The following FRMD6 variants were observed in gnomAD, a reference collection of about 807,000 sequenced individuals.
The protein encoded by FRMD6 is FERM domain-containing protein 6.
In FRMD6, 37 loss-of-function variants were observed where a neutral mutation model predicts 73.2. That is an observed-to-expected ratio of 0.51 (90% CI 0.39 to 0.66). FRMD6 has a LOEUF of 0.66. Ranked by LOEUF, FRMD6 falls within the 30% of genes least tolerant of loss-of-function variation. The pLI is 0.00. For synonymous variants in FRMD6, 273 were observed against 282.2 expected, an observed-to-expected ratio of 0.97 and a Z score of 0.33; for missense variants, 714 against 780.5, an observed-to-expected ratio of 0.91 and a Z score of 1.02.
At chr14:51,656,922 CCAA>C (rs1357074069) in intron 1 of FRMD6, among the ~76,000 whole-genome samples, 4 of 152,042 alleles carry the variant, frequency 2.6e-5, no homozygotes, top group Admixed American at 6.5e-5. Context: ...CAGATGTTTT[CCAA>C]CAACATTATC....
At chr14:51,550,095 G>A (rs953174480) in intron 1 of FRMD6, among the ~76,000 whole-genome samples, 7 of 152,252 alleles carry the variant, frequency 4.6e-5, no homozygotes, top group African/African-American at 1.7e-4. Context: ...CTAAGATCCC[G>A]GTAATGCTGC....
chr14:51,630,033 CA>C (rs1180787693), intron 2 of FRMD6, among the ~76,000 whole-genome samples: 1 of 152,034 alleles, frequency 6.6e-6, no homozygotes, highest in Non-Finnish European at 1.5e-5. Context: ...TCCTCTGCTC[CA>C]GCATATTGAA....
At chr14:51,659,863 A>T (rs1893090712) in intron 1 of FRMD6, among the ~76,000 whole-genome samples, 1 of 152,176 alleles carries the variant, frequency 6.6e-6, no homozygotes, top group South Asian at 2.1e-4. Flanking sequence ...GGTCAGAACC[A>T]TTTGTGATTT....
At position 51,553,667 on chromosome 14, in the gene FRMD6, C is replaced by T. The variant is rs1034506522; in HGVS notation, c.-209-16681C>T. On this transcript the variant is annotated intron_variant, in intron 1 of 14. Coordinates refer to the FRMD6 transcript ENST00000356218. ...AGAGGTAGGAAAGGGATCAGATTTTCTCTAGGGATACCTACTGATCAGTTC... is the reference window on the plus strand; with the variant it reads ...AGAGGTAGGAAAGGGATCAGATTTTTTCTAGGGATACCTACTGATCAGTTC... 7.2e-5 allele frequency among the ~76,000 whole-genome samples: 11 copies of T among 152,276 alleles called. No individual in the cohort carries two copies. The East Asian group carries it at 2.1e-3, about 29-fold the overall frequency.
chr14:51,612,991 A>T (rs1469098588), intron 2 of FRMD6, among the ~76,000 whole-genome samples: 3 of 152,218 alleles, frequency 2.0e-5, no homozygotes, highest in Non-Finnish European at 4.4e-5. Flanking sequence ...GCAAAGGGAC[A>T]CACAGGTGCA....
At chr14:51,613,859 T>G (rs185862557) in intron 2 of FRMD6, among the ~76,000 whole-genome samples, 53 of 152,272 alleles carry the variant, frequency 3.5e-4, no homozygotes, top group African/African-American at 1.2e-3. Context: ...TAGATGAAAT[T>G]AATATTAACA....
chr14:51,633,917 C>A (rs931939544), intron 2 of FRMD6, among the ~76,000 whole-genome samples: 2 of 152,150 alleles, frequency 1.3e-5, no homozygotes, highest in Non-Finnish European at 2.9e-5. Context: ...AGAATCCATG[C>A]TATTAATCCA....
chr14:51,673,950 C>A (rs1268989815), intron 1 of FRMD6, among the ~76,000 whole-genome samples: 1 of 152,150 alleles, frequency 6.6e-6, no homozygotes, highest in Non-Finnish European at 1.5e-5. Context: ...ATAACTTAGA[C>A]CTCAGCTACA....
chr14:51,529,749 TCATAA>T (rs1885474097), intron 1 of FRMD6, among the ~76,000 whole-genome samples: 1 of 152,216 alleles, frequency 6.6e-6, no homozygotes, highest in South Asian at 2.1e-4. Context: ...AGGTGATATC[TCATAA>T]CAGAGAACCC....
At chr14:51,437,084 C>A in the FRMD6 span, 1 of 358,308 alleles carries the variant, frequency 2.8e-6, no homozygotes, top group South Asian at 2.6e-5. Flanking sequence ...TTGCTGCACC[C>A]ATCAACTCAT....
At chr14:51,492,159 T>C (rs2140171495) in intron 1 of FRMD6, among the ~76,000 whole-genome samples, 1 of 152,328 alleles carries the variant, frequency 6.6e-6, no homozygotes, top group South Asian at 2.1e-4. Flanking sequence ...CTTGTTCTTT[T>C]CCTTTCCTTG....
chr14:51,436,837 AGATGAT>A, the FRMD6 span: 5 of 578,006 alleles, frequency 8.7e-6, no homozygotes, highest in African/African-American at 3.8e-5. Context: ...GAGAAGGAGA[AGATGAT>A]GATGAAGAAG....
chr14:51,585,651 A>C lies in FRMD6; in HGVS notation c.-147+15241A>C, dbSNP rs146349250. ...AGGAATACCTATCTTGCATGTTGTAAGGATTAAAGGTTATAAACTTTATAA... is the reference window on the plus strand; with the variant it reads ...AGGAATACCTATCTTGCATGTTGTACGGATTAAAGGTTATAAACTTTATAA... On this transcript the variant is annotated intron_variant, in intron 2 of 14. Transcript: ENST00000356218. 8.6e-5 allele frequency among the ~76,000 whole-genome samples: 13 copies of C among 152,034 alleles called. No homozygotes were observed. In the East Asian group the frequency reaches 2.5e-3, roughly 29 times the overall value.
intron 1 of FRMD6, among the ~76,000 whole-genome samples, chr14:51,663,955 C>T (rs1444703708): frequency 2.0e-5 from 3 of 152,124 alleles, no homozygotes; most frequent in African/African-American, 4.8e-5. Flanking sequence ...AGGACTTGAC[C>T]CTTATGACTC....
rs1594796997 is a variant in FRMD6 at position 51,729,324 on chromosome 14, A to G, written c.*1295A>G. On this transcript the variant is annotated 3_prime_UTR_variant, in exon 14 of 14. Coordinates refer to ENST00000344768, the MANE Select transcript of FRMD6 (RefSeq NM_001267046.2). ...CCTGGGGGTGTCTTGTTAATTTTGA[A>G]GTAAAAGTGTACAGAAGACGTAGTG... The G allele has an allele frequency of 6.6e-6, 1 of 152,548 alleles. No individual in the cohort carries two copies. The highest frequency in any genetic ancestry group is 2.4e-5 in the African/African-American group (1 of 41,448). 9.4% of individuals were successfully genotyped at this position (152,548 alleles called of 1,614,324 possible). A position where few individuals can be genotyped will look rare whatever the true frequency, so the allele number is the denominator to read the frequency against.
At chr14:51,555,250 A>C (rs758761620) in intron 1 of FRMD6, among the ~76,000 whole-genome samples, 6 of 152,202 alleles carry the variant, frequency 3.9e-5, no homozygotes, top group Non-Finnish European at 7.3e-5. Context: ...GAGTTCTACT[A>C]ATTATGTCTG....
intron 2 of FRMD6, among the ~76,000 whole-genome samples, chr14:51,644,606 G>A (rs528777902): frequency 6.6e-6 from 1 of 152,280 alleles, no homozygotes; most frequent in Non-Finnish European, 1.5e-5. Flanking sequence ...ATAAAAATAA[G>A]TGATGTGTTA....
intron 2 of FRMD6, among the ~76,000 whole-genome samples, chr14:51,587,917 A>T (rs1393954932): frequency 6.6e-6 from 1 of 151,960 alleles, no homozygotes; most frequent in Non-Finnish European, 1.5e-5. Flanking sequence ...GAAAAAGTTT[A>T]GGGTTACAGC....
the FRMD6 span, among the ~76,000 whole-genome samples, chr14:51,478,456 G>T: frequency 2.0e-5 from 3 of 152,196 alleles, no homozygotes; most frequent in Non-Finnish European, 2.9e-5. Flanking sequence ...ATCTATTTTA[G>T]TGCTTATGAG....
Sources: gnomAD v4.1 joint callset for allele counts (sites outside exome capture counted in the v4.1 genomes callset) on GRCh38, gnomAD v4.1.1 for gene constraint, MANE v1.5 for transcripts, NCBI Gene and HGNC (gene_info 2026-07-23, HGNC 2026-07-21) for gene names.